Variants in NHSL1 observed in about 807,000 individuals in gnomAD.
The protein encoded by NHSL1 is NHS like 1, also known as NHS-like protein 1.
A neutral mutation model predicts 95.0 loss-of-function variants in NHSL1; 48 were observed. The ratio of observed to expected loss-of-function variants is 0.51; its 90% confidence interval spans 0.40 to 0.64. The LOEUF (loss-of-function observed/expected upper bound fraction) is 0.64. Among genes scored for constraint, NHSL1 ranks in the 30% least tolerant of loss-of-function variants. The pLI is 0.00. For missense variants in NHSL1, 1,971 were observed against 2,077.7 expected (o/e 0.95, Z 1.00); for synonymous variants, 783 against 833.9 (o/e 0.94, Z 1.05).
At chr6:138,505,757 A>G (rs1780929392) in intron 1 of NHSL1, among the ~76,000 whole-genome samples, 1 of 152,076 alleles carries the variant, frequency 6.6e-6, no homozygotes, top group African/African-American at 2.4e-5. Flanking sequence ...CAGACATAAT[A>G]GAGTTCTGCT....
intron 1 of NHSL1, among the ~76,000 whole-genome samples, chr6:138,522,566 G>A (rs186314864): frequency 3.9e-5 from 6 of 152,264 alleles, no homozygotes; most frequent in Non-Finnish European, 7.4e-5. Context: ...ACTTGAACCC[G>A]GGAGGCGGAG....
At chr6:138,453,847 C>T (rs1777401321) in intron 3 of NHSL1, among the ~76,000 whole-genome samples, 1 of 152,034 alleles carries the variant, frequency 6.6e-6, no homozygotes, top group African/African-American at 2.4e-5. Flanking sequence ...GCACCAGGCC[C>T]TAAGAGCTCT....
intron 3 of NHSL1, among the ~76,000 whole-genome samples, chr6:138,459,722 T>A (rs1335693029): frequency 1.2e-4 from 18 of 152,194 alleles, no homozygotes; most frequent in Non-Finnish European, 1.8e-4. Context: ...ACAAGGCAGA[T>A]AAATTTTGTT....
chr6:138,567,131 T>G (rs1021246321), intron 1 of NHSL1, among the ~76,000 whole-genome samples: 3 of 152,068 alleles, frequency 2.0e-5, no homozygotes, highest in African/African-American at 7.2e-5. Context: ...CTAGTCTTTA[T>G]GTTTGTTTGG....
At chr6:138,578,217 AC>A (rs1227536587) in intron 1 of NHSL1, among the ~76,000 whole-genome samples, 3 of 152,122 alleles carry the variant, frequency 2.0e-5, no homozygotes, top group African/African-American at 4.8e-5. Flanking sequence ...CCCAACTCCC[AC>A]CTTTCAAAGT....
intron 1 of NHSL1, among the ~76,000 whole-genome samples, chr6:138,565,554 C>T (rs1188840837): frequency 4.6e-5 from 7 of 152,100 alleles, no homozygotes; most frequent in South Asian, 2.1e-4. Flanking sequence ...TCTATGAGGA[C>T]GGACATCTAG....
At chr6:138,442,203 G>A in intron 4 of NHSL1, 89 bp from the exon 5 acceptor site, 1 of 1,289,816 alleles carries the variant, frequency 7.8e-7, no homozygotes, top group South Asian at 1.6e-5. Context: ...GTTGTAAAAT[G>A]ATAAGAAGGT....
intron 2 of NHSL1, among the ~76,000 whole-genome samples, chr6:138,490,536 G>A (rs938501634): frequency 2.6e-5 from 4 of 152,188 alleles, no homozygotes; most frequent in Non-Finnish European, 4.4e-5. Flanking sequence ...TGACAACTAA[G>A]GGTGGATGCA....
rs1562356172 is a variant in NHSL1, at chr6:138,536,600, A to ACCTTTTTTTTTTTTTTTTTTTT, written c.16+9022_16+9023insAAAAAAAAAAAAAAAAAAAAGG. Among the ~76,000 whole-genome samples the ACCTTTTTTTTTTTTTTTTTTTT allele has an allele frequency of 2.0e-5, 2 of 100,512 alleles. 1 individual carries two copies. The allele number at this position is 100,512 out of a possible 152,430, so 65.9% of individuals were successfully genotyped here. On this transcript the variant is annotated intron_variant, in intron 1 of 4. Transcript: ENST00000342260. Reference sequence around the variant, plus strand: ...GTGGTTTTGGAGAGGGACATATGTCATCTTTTTTTTTTTTTTTTTTTTTTT... The same window carrying ACCTTTTTTTTTTTTTTTTTTTT: ...GTGGTTTTGGAGAGGGACATATGTCACCTTTTTTTTTTTTTTTTTTTTTCTTTTTTTTTTTTTTTTTTTTTTT...
Position 138,491,594 on chromosome 6 carries a change from AG to A in NHSL1, c.211+4624del, listed in dbSNP as rs1436746132. On this transcript the variant is annotated intron_variant, in intron 2 of 7. Transcript: ENST00000343505. ...GATTCAAACAATGATGGATGTAAAA[AG>A]GGTAGACTTCTTCTGGAAACTCAGT... Among the ~76,000 whole-genome samples the A allele has an allele frequency of 1.8e-3, 277 of 152,338 alleles. 1 individual carries two copies. The highest frequency in any genetic ancestry group is 6.5e-3 in the African/African-American group (269 of 41,586).
At chr6:138,435,498 T>C (rs959520997) in intron 5 of NHSL1, among the ~76,000 whole-genome samples, 2 of 152,098 alleles carry the variant, frequency 1.3e-5, no homozygotes, top group Non-Finnish European at 2.9e-5. Context: ...AACTTTCTTA[T>C]TAAAACAAAA....
chr6:138,602,340 TTC>T (rs1291927244), intron 1 of NHSL1, among the ~76,000 whole-genome samples: 1 of 152,108 alleles, frequency 6.6e-6, no homozygotes, highest in Non-Finnish European at 1.5e-5. Context: ...GGTTATTGTT[TTC>T]TGTTTTTGTT....
intron 4 of NHSL1, 24 bp from the exon 5 acceptor site, chr6:138,442,138 C>A: frequency 6.6e-7 from 1 of 1,519,122 alleles, no homozygotes; most frequent in South Asian, 1.3e-5. Flanking sequence ...GTAGAACAAG[C>A]AAAGCAATGT....
intron 1 of NHSL1, among the ~76,000 whole-genome samples, chr6:138,553,571 T>G (rs1016086103): frequency 1.3e-5 from 2 of 152,240 alleles, no homozygotes; most frequent in Non-Finnish European, 2.9e-5. Flanking sequence ...AGAATTATTA[T>G]TACTTTGCTA....
chr6:138,643,526 C>T (rs1411884076), intron 1 of NHSL1, among the ~76,000 whole-genome samples: 2 of 152,136 alleles, frequency 1.3e-5, no homozygotes, highest in Non-Finnish European at 2.9e-5. Context: ...GAAGGGTACA[C>T]CTTTAAAACT....
At chr6:138,467,885 C>T (rs1778495210) in intron 3 of NHSL1, among the ~76,000 whole-genome samples, 4 of 152,078 alleles carry the variant, frequency 2.6e-5, no homozygotes, top group African/African-American at 9.7e-5. Flanking sequence ...TTACAATAAG[C>T]TAAGGCTAAT....
Position 138,431,302 on chromosome 6 carries a change from A to G in NHSL1, c.3043T>C (p.Leu1015=), listed in dbSNP as rs1775640940. 6.6e-7 allele frequency: 1 copy of G among 1,507,030 alleles called. No homozygotes were observed. Among genetic ancestry groups the G allele is most frequent in the East Asian group, 2.5e-5 (1 of 40,518 alleles). 93.4% of individuals were successfully genotyped at this position (1,507,030 alleles called of 1,614,324 possible). A position where few individuals can be genotyped will look rare whatever the true frequency, so the allele number is the denominator to read the frequency against. ...PVSLPLPPPL[L]PSSEPPPAPP... is the part of the protein sequence containing the mutation. ...GCAGGTGGGGGTTCCGAGGAAGGTA[A>G]GAGAGGTGGGGGCAATGGCAAGGAC... Residue 1015 remains leucine, a synonymous_variant, in exon 6 of 8, where the codon TTA becomes CTA. Coordinates refer to ENST00000343505, the MANE Select transcript of NHSL1 (RefSeq NM_001144060.2). This position sits in a 1 kb window ranked among gnomAD's most constrained non-coding sequence, Gnocchi z 4.0.
Position 138,511,808 on chromosome 6 carries a change from C to T in NHSL1, c.17-15437G>A, listed in dbSNP as rs371845047. On this transcript the variant is annotated intron_variant, in intron 1 of 4. Coordinates refer to the NHSL1 transcript ENST00000342260. ...AAAATTAGCAGAGCACAGTGGCACA[C>T]GCCTGCCTGTAATCCTAGCTGCCTA... Among the ~76,000 whole-genome samples, 12 of 152,162 alleles carry T rather than the reference C, an allele frequency of 7.9e-5. No individual in the cohort carries two copies. The South Asian group carries it at 1.2e-3, about 16-fold the overall frequency.
chr6:138,553,827 A>G (rs1200667766), intron 1 of NHSL1, among the ~76,000 whole-genome samples: 1 of 152,234 alleles, frequency 6.6e-6, no homozygotes, highest in Non-Finnish European at 1.5e-5. Context: ...AAAGAGTCTC[A>G]TTTACAAACA....
Sources: gnomAD v4.1 joint callset for allele counts (sites outside exome capture counted in the v4.1 genomes callset) on GRCh38, gnomAD v4.1.1 for gene constraint, Gnocchi (gnomAD v3.1) non-coding constraint, MANE v1.5 for transcripts, NCBI Gene and HGNC (gene_info 2026-07-23, HGNC 2026-07-21) for gene names.